PHLPP1: variants seen among roughly 807,000 people sequenced by gnomAD.
The protein encoded by PHLPP1 is PH domain and leucine rich repeat protein phosphatase 1.
Under a neutral mutation model 117.2 loss-of-function variants are expected in PHLPP1, and 42 were observed. That is an observed-to-expected ratio of 0.36 (90% CI 0.28 to 0.46). The LOEUF is 0.46. PHLPP1 is among the 20% of genes least tolerant of loss of function. The probability of loss-of-function intolerance (pLI) is 1.00; values close to 1 mark genes in which losing one functional copy is unlikely to be tolerated. For synonymous variants in PHLPP1, 1,042 were observed against 970.7 expected, an observed-to-expected ratio of 1.07 and a Z score of -1.37; for missense variants, 2,084 against 2,241.9, an observed-to-expected ratio of 0.93 and a Z score of 1.42.
intron 3 of PHLPP1, among the ~76,000 whole-genome samples, chr18:62,847,102 A>G (rs1915201088): frequency 6.6e-6 from 1 of 152,218 alleles, no homozygotes; most frequent in South Asian, 2.1e-4. Context: ...TCGTCTCATA[A>G]CAAAAGAAGC....
chr18:62,748,365 C>T (rs769508276), intron 1 of PHLPP1, among the ~76,000 whole-genome samples: 1 of 152,030 alleles, frequency 6.6e-6, no homozygotes, highest in Non-Finnish European at 1.5e-5. Context: ...CCACCTCAGC[C>T]TCCTGAGTAG....
chr18:62,918,384 A>G (rs1430615630), intron 9 of PHLPP1, among the ~76,000 whole-genome samples: 1 of 150,572 alleles, frequency 6.6e-6, no homozygotes, highest in Non-Finnish European at 1.5e-5. Flanking sequence ...AAAAATAAAG[A>G]TAAAAGATTT....
At chr18:62,802,441 T>C (rs1234176708) in intron 1 of PHLPP1, among the ~76,000 whole-genome samples, 1 of 152,108 alleles carries the variant, frequency 6.6e-6, no homozygotes, top group African/African-American at 2.4e-5. Context: ...AGCAGAATAA[T>C]TTTGATGATT....
At chr18:62,972,024 A>G (rs1237141761) in intron 14 of PHLPP1, among the ~76,000 whole-genome samples, 4 of 152,182 alleles carry the variant, frequency 2.6e-5, no homozygotes, top group African/African-American at 9.7e-5. Context: ...TGATAGAGGG[A>G]GACCCTGTCT....
At chr18:62,753,975 C>G (rs1006088247) in intron 1 of PHLPP1, among the ~76,000 whole-genome samples, 2 of 152,124 alleles carry the variant, frequency 1.3e-5, no homozygotes, top group African/African-American at 2.4e-5. Context: ...GTCACCTATT[C>G]CTGATTGTCA....
chr18:62,919,946 C>A lies in PHLPP1; in HGVS notation c.2805-13C>A. On this transcript the variant is annotated splice_polypyrimidine_tract_variant and intron_variant, in intron 9 of 16. Coordinates refer to ENST00000262719, the MANE Select transcript of PHLPP1 (RefSeq NM_194449.4). The stretch of plus-strand genomic sequence containing the variant: ...CTTTTTCATTTTTTGGTCTTTTGTC[C>A]CTTTTTATACAGCTTATTTTGTAAT... 2 of 1,562,460 alleles carry A rather than the reference C, an allele frequency of 1.3e-6. No homozygotes were observed. The highest frequency in any genetic ancestry group is 2.3e-5 in the East Asian group (1 of 42,672).
At chr18:62,720,278 A>G (rs1354618290) in intron 1 of PHLPP1, among the ~76,000 whole-genome samples, 1 of 152,138 alleles carries the variant, frequency 6.6e-6, no homozygotes, top group East Asian at 1.9e-4. Context: ...TCATTGATGT[A>G]GGGCAGCATT....
At chr18:62,794,058 T>A (rs1913548360) in intron 1 of PHLPP1, among the ~76,000 whole-genome samples, 1 of 152,230 alleles carries the variant, frequency 6.6e-6, no homozygotes, top group Non-Finnish European at 1.5e-5. Context: ...ACCAGCATTT[T>A]TTAATATTGG....
intron 2 of PHLPP1, among the ~76,000 whole-genome samples, chr18:62,836,488 A>AAAT (rs1914906936): frequency 7.8e-6 from 1 of 128,752 alleles, no homozygotes; most frequent in Non-Finnish European, 1.7e-5. Context: ...AATAAATAAA[A>AAAT]ATAAATTACT....
intron 4 of PHLPP1, among the ~76,000 whole-genome samples, chr18:62,879,679 A>C (rs1247245101): frequency 6.6e-6 from 1 of 152,164 alleles, no homozygotes; most frequent in Non-Finnish European, 1.5e-5. Context: ...AAGTACTGGG[A>C]TTACAGGCGT....
At position 62,716,910 on chromosome 18, in the gene PHLPP1, G is replaced by C. The variant is rs746927706; in HGVS notation, c.1227G>C (p.Thr409=). Residue 409 remains threonine, a synonymous_variant, in exon 1 of 17, where the codon ACG becomes ACC. Transcript: ENST00000262719. This position sits in a 1 kb window ranked among gnomAD's most constrained non-coding sequence, Gnocchi z 5.7. ...HPAQPLPLPQ[T]ASSPQPQQKA... is the part of the protein sequence containing the mutation. ...CGCAGCCCCTCCCGCTTCCCCAGAC[G>C]GCTTCCTCGCCTCAGCCGCAGCAGA... 2.6e-6 allele frequency: 4 copies of C among 1,532,516 alleles called. No individual in the cohort carries two copies. The highest frequency in any genetic ancestry group is 1.7e-6 in the Non-Finnish European group (2 of 1,144,968). The allele number at this position is 1,532,516 out of a possible 1,614,324, so 94.9% of individuals were successfully genotyped here. A position where few individuals can be genotyped will look rare whatever the true frequency, so the allele number is the denominator to read the frequency against.
intron 1 of PHLPP1, among the ~76,000 whole-genome samples, chr18:62,793,946 C>T (rs560384645): frequency 1.3e-4 from 20 of 152,144 alleles, no homozygotes; most frequent in Admixed American, 2.6e-4. Context: ...TTTGGTTTCC[C>T]AATATTGATG....
chr18:62,736,481 C>T (rs1356492275), intron 1 of PHLPP1, among the ~76,000 whole-genome samples: 1 of 152,068 alleles, frequency 6.6e-6, no homozygotes, highest in Non-Finnish European at 1.5e-5. Flanking sequence ...AACAGAAGCT[C>T]CAAGATGACA....
In PHLPP1 at chr18:62,830,381, A is replaced by T. The variant is rs1914724204; in HGVS notation, c.1773+150A>T. Reference sequence around the variant, plus strand: ...TCAGCCAGGATTACAGGCGTGCACCACCACACCTGGCTAATTTTTGTATTT... The same window carrying T: ...TCAGCCAGGATTACAGGCGTGCACCTCCACACCTGGCTAATTTTTGTATTT... On this transcript the variant is annotated intron_variant, in intron 2 of 16. Coordinates refer to ENST00000262719, the MANE Select transcript of PHLPP1 (RefSeq NM_194449.4). 8.3e-6 allele frequency: 5 copies of T among 605,870 alleles called. 1 individual carries two copies. In the East Asian group the frequency reaches 1.5e-4, roughly 18 times the overall value. 37.5% of individuals were successfully genotyped at this position (605,870 alleles called of 1,614,324 possible).
At chr18:62,841,101 T>C (rs1438817083) in intron 3 of PHLPP1, among the ~76,000 whole-genome samples, 1 of 152,176 alleles carries the variant, frequency 6.6e-6, no homozygotes, top group Non-Finnish European at 1.5e-5. Context: ...TTGGCCAGGC[T>C]GGTTTTGAAC....
chr18:62,867,341 A>T (rs1314642293), intron 4 of PHLPP1, among the ~76,000 whole-genome samples: 1 of 152,108 alleles, frequency 6.6e-6, no homozygotes, highest in Non-Finnish European at 1.5e-5. Context: ...ACATTGTCTC[A>T]CGCCCCATCT....
chr18:62,783,552 A>G (rs1340907524), intron 1 of PHLPP1, among the ~76,000 whole-genome samples: 1 of 152,318 alleles, frequency 6.6e-6, no homozygotes, highest in South Asian at 2.1e-4. Flanking sequence ...TAAATGCTAT[A>G]TTGTAATGGT....
chr18:62,795,048 G>C (rs559263029), intron 1 of PHLPP1, among the ~76,000 whole-genome samples: 10 of 152,214 alleles, frequency 6.6e-5, no homozygotes, highest in African/African-American at 2.4e-4. Context: ...GATACTGCTT[G>C]AAAACAAGGG....
At chr18:62,908,988 A>C (rs1419827824) in intron 8 of PHLPP1, among the ~76,000 whole-genome samples, 3 of 32,550 alleles carry the variant, frequency 9.2e-5, no homozygotes, top group African/African-American at 3.5e-4. Flanking sequence ...CTCAGGATTA[A>C]GAATCTCACT....
Sources: gnomAD v4.1 joint callset for allele counts (sites outside exome capture counted in the v4.1 genomes callset) on GRCh38, gnomAD v4.1.1 for gene constraint, Gnocchi (gnomAD v3.1) non-coding constraint, MANE v1.5 for transcripts, NCBI Gene and HGNC (gene_info 2026-07-23, HGNC 2026-07-21) for gene names.